The following NEGR1 variants were observed in gnomAD, a reference collection of about 807,000 sequenced individuals.
NEGR1 encodes the protein IgLON family member 4.
In NEGR1, 10 loss-of-function variants were observed where a neutral mutation model predicts 40.9. The observed-to-expected ratio is 0.24, with a 90% CI of 0.15 to 0.42. The LOEUF (loss-of-function observed/expected upper bound fraction) is 0.42. Among genes scored for constraint, NEGR1 ranks in the 10% least tolerant of loss-of-function variants. NEGR1 has a pLI of 1.00. For missense variants in NEGR1, 352 were observed against 438.9 expected, an observed-to-expected ratio of 0.80 and a Z score of 1.77; for synonymous variants, 185 against 166.8, an observed-to-expected ratio of 1.11 and a Z score of -0.84.
intron 1 of NEGR1, among the ~76,000 whole-genome samples, chr1:72,259,131 G>A (rs1038763239): frequency 2.0e-5 from 3 of 152,146 alleles, no homozygotes; most frequent in South Asian, 4.1e-4. Context: ...TTATGACCTG[G>A]TACTATCAGG....
rs545026180 is a variant in NEGR1 at position 71,841,673 on chromosome 1, G to T, written c.410-65376C>A. ...CAGTTCCTCATCTTCAGAATAAAAA[G>T]AAAAATCTCTACTTCACAGCATCAT... On this transcript the variant is annotated intron_variant, in intron 2 of 6. Coordinates refer to ENST00000357731, the MANE Select transcript of NEGR1 (RefSeq NM_173808.3). Among the ~76,000 whole-genome samples the T allele has an allele frequency of 3.9e-5, 6 of 152,174 alleles. No homozygotes were observed. In the South Asian group the frequency reaches 1.0e-3, roughly 26 times the overall value.
At chr1:72,103,145 A>G (rs1199388992) in intron 1 of NEGR1, among the ~76,000 whole-genome samples, 1 of 152,078 alleles carries the variant, frequency 6.6e-6, no homozygotes, top group Non-Finnish European at 1.5e-5. Context: ...TGTATTTGCT[A>G]CAGGTGAAAT....
At chr1:71,650,270 T>C (rs975491301) in intron 4 of NEGR1, among the ~76,000 whole-genome samples, 11 of 152,152 alleles carry the variant, frequency 7.2e-5, no homozygotes, top group African/African-American at 2.7e-4. Flanking sequence ...TAACAGGAGC[T>C]GTGATTGCCA....
At chr1:71,881,369 A>G (rs538023729) in intron 2 of NEGR1, among the ~76,000 whole-genome samples, 1 of 152,192 alleles carries the variant, frequency 6.6e-6, no homozygotes, top group East Asian at 1.9e-4. Flanking sequence ...AACATCACCA[A>G]ACCTTTTGAC....
At chr1:72,035,806 C>T (rs183042541) in intron 1 of NEGR1, among the ~76,000 whole-genome samples, 1 of 152,186 alleles carries the variant, frequency 6.6e-6, no homozygotes, top group African/African-American at 2.4e-5. Context: ...GGTCTTTTTA[C>T]AGCCCCAATT....
intron 3 of NEGR1, among the ~76,000 whole-genome samples, chr1:71,759,596 CTTTTTTTTTTT>C (rs71074804): frequency 2.2e-4 from 7 of 31,964 alleles, no homozygotes; most frequent in Admixed American, 1.2e-3. Flanking sequence ...TGCGTCCAGG[CTTTTTTTTTTT>C]TTTTTTTTTT....
chr1:72,140,552 T>C lies in NEGR1; in HGVS notation c.176+141767A>G, dbSNP rs544282027. ...AGATGACCTAATCACCTCTTAAGGG[T>C]CTCACTTCTTAACGCTGTCACAGTG... On this transcript the variant is annotated intron_variant, in intron 1 of 6. Transcript: ENST00000357731. Among the ~76,000 whole-genome samples the C allele has an allele frequency of 2.1e-4, 32 of 152,140 alleles. No individual in the cohort carries two copies. In the South Asian group the frequency reaches 6.4e-3, roughly 31 times the overall value.
chr1:71,449,808 A>T (rs1038222721), intron 6 of NEGR1, among the ~76,000 whole-genome samples: 3 of 151,910 alleles, frequency 2.0e-5, no homozygotes, highest in Non-Finnish European at 4.4e-5. Flanking sequence ...GCTCAATCTC[A>T]TGTCTTAGAA....
chr1:72,080,917 GGAAT>G (rs1388823226), intron 1 of NEGR1, among the ~76,000 whole-genome samples: 6 of 151,922 alleles, frequency 3.9e-5, no homozygotes, highest in Admixed American at 1.3e-4. Context: ...CACTATGACT[GGAAT>G]GAATGAATGA....
At chr1:71,654,995 T>C (rs1433384398) in intron 4 of NEGR1, among the ~76,000 whole-genome samples, 2 of 152,272 alleles carry the variant, frequency 1.3e-5, no homozygotes, top group African/African-American at 2.4e-5. Context: ...TGTATATACA[T>C]TTGAATTTTG....
intron 1 of NEGR1, among the ~76,000 whole-genome samples, chr1:71,994,997 A>G (rs200532037): frequency 0.18 from 3,006 of 16,688 alleles, 85 homozygotes; most frequent in African/African-American, 0.36. Context: ...AATTTACAGG[A>G]AAAAAAAAAA....
chr1:71,519,910 T>C (rs1411875081), intron 6 of NEGR1, among the ~76,000 whole-genome samples: 1 of 151,986 alleles, frequency 6.6e-6, no homozygotes, highest in African/African-American at 2.4e-5. Context: ...TAGGTGTGTG[T>C]ACCTGGGGTT....
chr1:71,531,027 A>G (rs563537850), intron 6 of NEGR1, among the ~76,000 whole-genome samples: 16 of 151,314 alleles, frequency 1.1e-4, no homozygotes, highest in Non-Finnish European at 1.9e-4. Flanking sequence ...ACTAGGTACT[A>G]TCCTTATTGT....
chr1:71,947,547 G>A (rs72935829), intron 1 of NEGR1, among the ~76,000 whole-genome samples: 5,562 of 152,236 alleles, frequency 0.037, 343 homozygotes, highest in African/African-American at 0.13. Flanking sequence ...TAGAAAGCAA[G>A]TTGTAAACCA....
chr1:71,667,370 G>T (rs1652278236), intron 4 of NEGR1, among the ~76,000 whole-genome samples: 1 of 152,222 alleles, frequency 6.6e-6, no homozygotes, highest in South Asian at 2.1e-4. Flanking sequence ...TAAAACCAAG[G>T]TCTGTGAAAT....
intron 6 of NEGR1, among the ~76,000 whole-genome samples, chr1:71,475,377 A>G (rs1000545798): frequency 2.0e-5 from 3 of 152,098 alleles, no homozygotes; most frequent in Non-Finnish European, 4.4e-5. Flanking sequence ...TTCAAAGTTT[A>G]TGTCACAAAA....
In NEGR1 at chr1:71,407,383, A is replaced by G; in HGVS notation, c.*63T>C. 6.5e-7 allele frequency: 1 copy of G among 1,533,186 alleles called. No homozygotes were observed. The highest frequency in any genetic ancestry group is 9.0e-7 in the Non-Finnish European group (1 of 1,115,138). The allele number at this position is 1,533,186 out of a possible 1,614,324, so 95.0% of individuals were successfully genotyped here. A position where few individuals can be genotyped will look rare whatever the true frequency, so the allele number is the denominator to read the frequency against. ...CACGCTGCTTTTAACAAACTGTACC[A>G]GATTGGATCCAGCCATCAGCACTTT... On this transcript the variant is annotated 3_prime_UTR_variant, in exon 7 of 7. Transcript: ENST00000357731.
chr1:71,738,729 TA>T (rs1655115234), intron 3 of NEGR1, among the ~76,000 whole-genome samples: 2 of 152,274 alleles, frequency 1.3e-5, no homozygotes, highest in South Asian at 4.1e-4. Flanking sequence ...CTGCTGGCTC[TA>T]AACCTTCCAT....
chr1:71,852,293 G>A (rs1357809905), intron 2 of NEGR1, among the ~76,000 whole-genome samples: 2 of 152,048 alleles, frequency 1.3e-5, no homozygotes, highest in African/African-American at 2.4e-5. Context: ...TTGACAAGCC[G>A]GCAGCTTGCT....
Sources: gnomAD v4.1 joint callset for allele counts (sites outside exome capture counted in the v4.1 genomes callset) on GRCh38, gnomAD v4.1.1 for gene constraint, MANE v1.5 for transcripts, NCBI Gene and HGNC (gene_info 2026-07-23, HGNC 2026-07-21) for gene names.